Variants in CNTNAP2 observed in about 807,000 individuals in gnomAD.
CNTNAP2 encodes contactin-associated protein-like 2.
CNTNAP2 carries 98 observed loss-of-function variants against 155.2 expected under a neutral mutation model. The observed-to-expected ratio is 0.63, with a 90% CI of 0.54 to 0.75. The LOEUF (loss-of-function observed/expected upper bound fraction) is 0.75. Ranked by LOEUF, CNTNAP2 falls within the 30% of genes least tolerant of loss-of-function variation. The pLI, the probability that CNTNAP2 is intolerant of heterozygous loss-of-function variation, is 0.00. For synonymous variants in CNTNAP2, 651 were observed against 631.2 expected, an observed-to-expected ratio of 1.03 and a Z score of -0.47; for missense variants, 1,727 against 1,688.1, an observed-to-expected ratio of 1.02 and a Z score of -0.40.
chr7:146,954,014 AC>A (rs1394118501), intron 3 of CNTNAP2, among the ~76,000 whole-genome samples: 1 of 151,884 alleles, frequency 6.6e-6, no homozygotes, highest in African/African-American at 2.4e-5. Context: ...CTTTGATACC[AC>A]CATATAACGT....
chr7:146,213,999 G>A (rs1008084634), intron 1 of CNTNAP2, among the ~76,000 whole-genome samples: 11 of 152,118 alleles, frequency 7.2e-5, no homozygotes, highest in African/African-American at 2.7e-4. Flanking sequence ...TGAAAAGCTG[G>A]TAAAACAATA....
intron 15 of CNTNAP2, among the ~76,000 whole-genome samples, chr7:148,098,545 A>G (rs1804022058): frequency 1.3e-5 from 2 of 151,492 alleles, no homozygotes; most frequent in Non-Finnish European, 2.9e-5. Flanking sequence ...GAGACAAAAT[A>G]TAAGGAGGTC....
chr7:147,512,816 C>A (rs1007455280), intron 11 of CNTNAP2, among the ~76,000 whole-genome samples: 1 of 152,048 alleles, frequency 6.6e-6, no homozygotes, highest in South Asian at 2.1e-4. Flanking sequence ...CTTTTCATCT[C>A]AGCATAGTTT....
At chr7:147,237,011 G>C (rs1012355831) in intron 8 of CNTNAP2, among the ~76,000 whole-genome samples, 4 of 141,164 alleles carry the variant, frequency 2.8e-5, no homozygotes, top group African/African-American at 1.0e-4. Context: ...TGCGTATCTA[G>C]CCACCTATCA....
intron 3 of CNTNAP2, among the ~76,000 whole-genome samples, chr7:146,940,415 G>T (rs1408054443): frequency 6.6e-6 from 1 of 151,830 alleles, no homozygotes; most frequent in African/African-American, 2.4e-5. Flanking sequence ...AGGATGTCTT[G>T]ATCTCCTGAC....
intron 8 of CNTNAP2, among the ~76,000 whole-genome samples, chr7:147,216,234 G>A (rs1162925399): frequency 6.6e-6 from 1 of 151,684 alleles, no homozygotes; most frequent in Non-Finnish European, 1.5e-5. Context: ...TGCCTTGGGT[G>A]TCATATCTAA....
chr7:146,519,810 G>A (rs1797592125), intron 1 of CNTNAP2, among the ~76,000 whole-genome samples: 1 of 151,594 alleles, frequency 6.6e-6, no homozygotes, highest in Non-Finnish European at 1.5e-5. Context: ...TCAGTTCTTT[G>A]GTCTGTAAAT....
chr7:147,283,497 T>C (rs989933527), intron 8 of CNTNAP2, among the ~76,000 whole-genome samples: 1 of 151,872 alleles, frequency 6.6e-6, no homozygotes, highest in Non-Finnish European at 1.5e-5. Context: ...AATATAATTG[T>C]GCTATATAAT....
intron 8 of CNTNAP2, among the ~76,000 whole-genome samples, chr7:147,194,530 C>T (rs1368503101): frequency 6.6e-6 from 1 of 152,130 alleles, no homozygotes; most frequent in East Asian, 1.9e-4. Context: ...AACTAATTTA[C>T]ACTCCCACCA....
intron 9 of CNTNAP2, among the ~76,000 whole-genome samples, chr7:147,390,235 C>A (rs1796687964): frequency 6.6e-6 from 1 of 152,164 alleles, no homozygotes; most frequent in Non-Finnish European, 1.5e-5. Context: ...TAATGTTTCA[C>A]AGGTGTGAGT....
At chr7:146,657,118 A>G (rs1800008934) in intron 1 of CNTNAP2, among the ~76,000 whole-genome samples, 1 of 152,188 alleles carries the variant, frequency 6.6e-6, no homozygotes. Context: ...TTGCTCAACT[A>G]AAATGATCCT....
intron 11 of CNTNAP2, among the ~76,000 whole-genome samples, chr7:147,554,589 G>T (rs1799914790): frequency 6.6e-6 from 1 of 151,908 alleles, no homozygotes; most frequent in Admixed American, 6.6e-5. Context: ...TTGAAACTTT[G>T]TCTTTTTTAA....
chr7:147,030,861 G>C (rs1799018887), intron 3 of CNTNAP2, among the ~76,000 whole-genome samples: 1 of 152,074 alleles, frequency 6.6e-6, no homozygotes, highest in Non-Finnish European at 1.5e-5. Flanking sequence ...TTCAGCCTGG[G>C]CTACAGCGCA....
Position 147,292,532 on chromosome 7 carries a change from G to A in CNTNAP2, c.1349-7609G>A, listed in dbSNP as rs922277791. 5.3e-5 allele frequency among the ~76,000 whole-genome samples: 8 copies of A among 151,890 alleles called. No homozygotes were observed. The East Asian group carries it at 5.8e-4, about 11-fold the overall frequency. On this transcript the variant is annotated intron_variant, in intron 8 of 23. Transcript: ENST00000361727. ...TACAAAAACTATATTGTTGGGTTTC[G>A]GTTAGAATCGCATGGTATGTATCTC...
chr7:148,168,505 T>A lies in CNTNAP2; in HGVS notation c.2774-3737T>A, dbSNP rs952079721. Among the ~76,000 whole-genome samples the A allele has an allele frequency of 2.2e-5, 3 of 135,898 alleles. No homozygotes were observed. The Admixed American group carries it at 2.6e-4, about 12-fold the overall frequency. The allele number at this position is 135,898 out of a possible 152,430, so 89.2% of individuals were successfully genotyped here. A position where few individuals can be genotyped will look rare whatever the true frequency, so the allele number is the denominator to read the frequency against. ...CATGTTCTCACTCATAGGTGGGAAT[T>A]GAACAATGAGAACACATGGACACAG... On this transcript the variant is annotated intron_variant, in intron 17 of 23. Transcript: ENST00000361727.
intron 4 of CNTNAP2, among the ~76,000 whole-genome samples, chr7:147,064,177 G>A (rs1466329245): frequency 2.6e-5 from 4 of 151,976 alleles, no homozygotes; most frequent in African/African-American, 9.7e-5. Flanking sequence ...GCTATTTAAT[G>A]TGTCATTTTA....
At chr7:146,685,961 A>G (rs1399759329) in intron 1 of CNTNAP2, among the ~76,000 whole-genome samples, 3 of 152,056 alleles carry the variant, frequency 2.0e-5, no homozygotes, top group Non-Finnish European at 2.9e-5. Context: ...TGTTTAATCT[A>G]TTTAATAACA....
chr7:147,351,208 T>C (rs565736567), intron 9 of CNTNAP2, among the ~76,000 whole-genome samples: 3 of 151,978 alleles, frequency 2.0e-5, no homozygotes, highest in African/African-American at 7.2e-5. Context: ...CCCTGATATA[T>C]ACTAATTTAC....
chr7:147,275,295 T>C lies in CNTNAP2; in HGVS notation c.1349-24846T>C, dbSNP rs560571557. ...TATTGATTCTTCCAATCCATGAGCA[T>C]GGGATGTTTTTTTCTTTTGTTTGTC... On this transcript the variant is annotated intron_variant, in intron 8 of 23. Coordinates refer to ENST00000361727, the MANE Select transcript of CNTNAP2 (RefSeq NM_014141.6). Among the ~76,000 whole-genome samples, 76 of 152,154 alleles carry C rather than the reference T, an allele frequency of 5.0e-4. 1 individual carries two copies. Among genetic ancestry groups the C allele is most frequent in the Non-Finnish European group, 3.4e-4 (23 of 67,958 alleles).
Sources: allele counts gnomAD v4.1 joint callset (sites outside exome capture counted in the v4.1 genomes callset), GRCh38; gene constraint gnomAD v4.1.1; transcripts MANE v1.5; gene names NCBI Gene and HGNC (gene_info 2026-07-23, HGNC 2026-07-21).